NEO1: variants seen among roughly 807,000 people sequenced by gnomAD.
NEO1 encodes neogenin.
NEO1 carries 63 observed loss-of-function variants against 159.7 expected under a neutral mutation model. That is an observed-to-expected ratio of 0.39 (90% confidence interval 0.32 to 0.49). The LOEUF (loss-of-function observed/expected upper bound fraction) is 0.49, where lower values mean the gene tolerates loss of function less well. Ranked by LOEUF, NEO1 falls within the 20% of genes least tolerant of loss-of-function variation. The pLI is 0.85. For missense variants in NEO1, 1,615 were observed against 1,831.0 expected (o/e 0.88, Z 2.15); for synonymous variants, 633 against 662.0 (o/e 0.96, Z 0.67).
intron 6 of NEO1, 113 bp downstream of exon 6, chr15:73,176,670 A>G (rs758233986): frequency 6.9e-6 from 5 of 723,290 alleles, no homozygotes; most frequent in Non-Finnish European, 1.0e-5. Context: ...TGCAAATGAA[A>G]TAGAAGAATT....
chr15:73,284,265 T>A (rs1222579581), intron 23 of NEO1, among the ~76,000 whole-genome samples: 1 of 151,926 alleles, frequency 6.6e-6, no homozygotes, highest in East Asian at 1.9e-4. Context: ...AAGATGGGGG[T>A]GTTGCTCCGC....
chr15:73,273,169 C>T (rs904850597), intron 19 of NEO1, among the ~76,000 whole-genome samples: 1 of 152,084 alleles, frequency 6.6e-6, no homozygotes, highest in Non-Finnish European at 1.5e-5. Flanking sequence ...CTTCCTCAGC[C>T]TTATCAGGGA....
chr15:73,254,633 C>G, intron 12 of NEO1, 49 bp from the exon 13 acceptor site: 1 of 1,500,154 alleles, frequency 6.7e-7, no homozygotes, highest in Non-Finnish European at 8.9e-7. Flanking sequence ...AAAACAGGAC[C>G]AAGCTTTTGA....
intron 13 of NEO1, 100 bp downstream of exon 13, chr15:73,254,929 CAA>C: frequency 2.3e-6 from 3 of 1,324,490 alleles, no homozygotes; most frequent in Non-Finnish European, 3.0e-6. Flanking sequence ...CTTATACAAA[CAA>C]ATTTAAAATG....
At chr15:73,075,024 TAC>T (rs961894016) in intron 1 of NEO1, among the ~76,000 whole-genome samples, 1 of 152,340 alleles carries the variant, frequency 6.6e-6, no homozygotes, top group African/African-American at 2.4e-5. Context: ...ATTTCAAAAT[TAC>T]AGAGTCATAG....
intron 1 of NEO1, among the ~76,000 whole-genome samples, chr15:73,099,549 T>A (rs991941891): frequency 6.6e-6 from 1 of 152,222 alleles, no homozygotes; most frequent in Admixed American, 6.5e-5. Context: ...AATCTTGTGT[T>A]CTTTTCCTTT....
Position 73,270,426 on chromosome 15 carries a change from G to C in NEO1, c.2829G>C (p.Met943Ile), listed in dbSNP as rs2041116727. ...GTCGAAGATCAAGTACATGGAGTAT[G>C]ACAGCCCATGGGACCACCTTTGAAT... ...TKGRRSSTWS[M>I]TAHGTTFELV... Residue 943 changes from methionine (M) to isoleucine (I), a missense_variant, in exon 18 of 29, where the codon ATG becomes ATC. Met to Ile is a conservative substitution (Grantham distance 10). Coordinates refer to ENST00000261908, the MANE Select transcript of NEO1 (RefSeq NM_002499.4). 6.2e-7 allele frequency: 1 copy of C among 1,613,740 alleles called. No homozygotes were observed. The highest frequency in any genetic ancestry group is 1.1e-5 in the South Asian group (1 of 91,060).
intron 1 of NEO1, among the ~76,000 whole-genome samples, chr15:73,074,826 C>T (rs2068695373): frequency 6.6e-6 from 1 of 152,148 alleles, no homozygotes; most frequent in African/African-American, 2.4e-5. Flanking sequence ...AATACTGGCA[C>T]CCTATGACCA....
chr15:73,081,622 C>G (rs2069051287), intron 1 of NEO1, among the ~76,000 whole-genome samples: 2 of 151,870 alleles, frequency 1.3e-5, no homozygotes, highest in South Asian at 4.2e-4. Flanking sequence ...GTCACCCAGA[C>G]TGGAGTGCAG....
rs375834927 is a variant in NEO1 at position 73,172,850 on chromosome 15, AG to A, written c.1016-3550del. On this transcript the variant is annotated intron_variant, in intron 5 of 28. Coordinates refer to ENST00000261908, the MANE Select transcript of NEO1 (RefSeq NM_002499.4). Reference sequence around the variant, plus strand: ...GTTGCTTCAGATTACTTTCATTGTAAGGGTCAAAGCAGAGGGGACTTTCTTA... The same window carrying A: ...GTTGCTTCAGATTACTTTCATTGTAAGGTCAAAGCAGAGGGGACTTTCTTA... Among the ~76,000 whole-genome samples, 7 of 152,322 alleles carry A rather than the reference AG, an allele frequency of 4.6e-5. No individual in the cohort carries two copies. The South Asian group carries it at 1.4e-3, about 32-fold the overall frequency.
chr15:73,201,642 A>T (rs555666645), intron 7 of NEO1, among the ~76,000 whole-genome samples: 3 of 152,252 alleles, frequency 2.0e-5, no homozygotes, highest in African/African-American at 7.2e-5. Context: ...TGATTTATCA[A>T]TTACTGACAG....
Position 73,270,161 on chromosome 15 carries a change from C to T in NEO1, c.2646C>T (p.His882=). 1.2e-6 allele frequency: 2 copies of T among 1,613,984 alleles called. No individual in the cohort carries two copies. The highest frequency in any genetic ancestry group is 1.3e-5 in the African/African-American group (1 of 74,954). Residue 882 remains histidine, a synonymous_variant, in exon 17 of 29, where the codon CAC becomes CAT. Coordinates refer to ENST00000261908, the MANE Select transcript of NEO1 (RefSeq NM_002499.4). The part of the protein sequence containing the change: ...ITWADNSLPK[H]QKITDSRYYT... The stretch of plus-strand genomic sequence containing the variant: ...GGGCAGACAACTCGCTGCCCAAGCA[C>T]CAGAAGATTACAGACTCCCGATACT...
chr15:73,191,351 A>T (rs1596306497), intron 7 of NEO1, among the ~76,000 whole-genome samples: 1 of 152,018 alleles, frequency 6.6e-6, no homozygotes, highest in East Asian at 1.9e-4. Context: ...TGGAAAGAAC[A>T]TAGAAAGACA....
intron 1 of NEO1, among the ~76,000 whole-genome samples, chr15:73,106,546 A>G (rs1339079723): frequency 2.0e-5 from 3 of 152,202 alleles, no homozygotes; most frequent in Non-Finnish European, 4.4e-5. Context: ...ATCTTAATTT[A>G]GATGAGCTAC....
intron 7 of NEO1, among the ~76,000 whole-genome samples, chr15:73,232,378 C>T (rs934378001): frequency 2.0e-5 from 3 of 152,148 alleles, no homozygotes; most frequent in Non-Finnish European, 4.4e-5. Context: ...AGTGCTGAAC[C>T]AAAGATTAGT....
intron 1 of NEO1, among the ~76,000 whole-genome samples, chr15:73,110,995 A>C (rs973461663): frequency 6.6e-6 from 1 of 152,190 alleles, no homozygotes; most frequent in African/African-American, 2.4e-5. Flanking sequence ...ACTGAAAAAA[A>C]AGATAAGAAG....
intron 7 of NEO1, among the ~76,000 whole-genome samples, chr15:73,230,375 G>A (rs1034151549): frequency 5.9e-5 from 9 of 151,860 alleles, no homozygotes; most frequent in Admixed American, 2.0e-4. Context: ...TTATCTGTAG[G>A]GTTGGTAGTA....
chr15:73,061,457 T>C (rs2067974719), intron 1 of NEO1, among the ~76,000 whole-genome samples: 1 of 152,202 alleles, frequency 6.6e-6, no homozygotes, highest in African/African-American at 2.4e-5. Context: ...TAGTAAGGGT[T>C]CAGGTTGATG....
chr15:73,253,655 C>T (rs901917781), intron 12 of NEO1, among the ~76,000 whole-genome samples: 10 of 152,194 alleles, frequency 6.6e-5, no homozygotes, highest in Admixed American at 1.3e-4. Context: ...ATAGATATTA[C>T]ACTTGCATTA....
Sources: gnomAD v4.1 joint callset for allele counts (sites outside exome capture counted in the v4.1 genomes callset) on GRCh38, gnomAD v4.1.1 for gene constraint, MANE v1.5 for transcripts, NCBI Gene and HGNC (gene_info 2026-07-23, HGNC 2026-07-21) for gene names.